SGK3: variants seen among roughly 807,000 people sequenced by gnomAD.
SGK3 encodes serine/threonine-protein kinase Sgk3.
A neutral mutation model predicts 68.5 loss-of-function variants in SGK3; 47 were observed. The ratio of observed to expected loss-of-function variants is 0.69; its 90% CI spans 0.54 to 0.87. The LOEUF is 0.87. Ranked by LOEUF, SGK3 falls within the 40% of genes least tolerant of loss-of-function variation. SGK3 has a pLI of 0.00. For synonymous variants in SGK3, 181 were observed against 189.1 expected, an observed-to-expected ratio of 0.96 and a Z score of 0.35; for missense variants, 479 against 575.5, an observed-to-expected ratio of 0.83 and a Z score of 1.72.
At chr8:66,730,721 G>A (rs868605568) in intron 1 of SGK3, among the ~76,000 whole-genome samples, 4 of 151,812 alleles carry the variant, frequency 2.6e-5, no homozygotes, top group South Asian at 2.1e-4. Context: ...AGACAGTCTC[G>A]CTCTGGAGTG....
chr8:66,723,129 A>T (rs796297862), intron 1 of SGK3, among the ~76,000 whole-genome samples: 3,992 of 40,400 alleles, frequency 0.099, 396 homozygotes, highest in African/African-American at 0.22. Flanking sequence ...ATATATATAT[A>T]TATTTTTTTT....
At chr8:66,723,108 TATATATATATATATATATATA>T (rs1563595109) in intron 1 of SGK3, among the ~76,000 whole-genome samples, 6 of 42,984 alleles carry the variant, frequency 1.4e-4, no homozygotes, top group South Asian at 7.1e-4. Context: ...TATATATATA[TATATATATATATATATATATA>T]TATTTTTTTT....
At chr8:66,827,246 G>A (rs148413619) in intron 6 of SGK3, among the ~76,000 whole-genome samples, 1 of 151,706 alleles carries the variant, frequency 6.6e-6, no homozygotes, top group Non-Finnish European at 1.5e-5. Flanking sequence ...ACCGGGCATG[G>A]TGGCGTATGC....
intron 16 of SGK3, among the ~76,000 whole-genome samples, chr8:66,857,436 G>A (rs1178373546): frequency 1.3e-5 from 2 of 152,066 alleles, no homozygotes; most frequent in South Asian, 2.1e-4. Flanking sequence ...TAGAAATTCA[G>A]GGATGGACTT....
chr8:66,760,330 C>CAT (rs1476397853), intron 1 of SGK3, among the ~76,000 whole-genome samples: 1 of 115,648 alleles, frequency 8.6e-6, no homozygotes, highest in Non-Finnish European at 1.8e-5. Context: ...TTTCTTTTTT[C>CAT]TTTTTTTTTT....
intron 1 of SGK3, among the ~76,000 whole-genome samples, chr8:66,774,973 C>G (rs945610962): frequency 6.6e-6 from 1 of 152,236 alleles, no homozygotes; most frequent in African/African-American, 2.4e-5. Flanking sequence ...TTCACCTTCC[C>G]CGCGGGGGTC....
At chr8:66,827,238 C>T (rs1327096949) in intron 6 of SGK3, among the ~76,000 whole-genome samples, 9 of 151,262 alleles carry the variant, frequency 5.9e-5, no homozygotes, top group Non-Finnish European at 8.8e-5. Context: ...AAAAATTAAC[C>T]GGGCATGGTG....
intron 6 of SGK3, among the ~76,000 whole-genome samples, chr8:66,827,120 G>A (rs890770163): frequency 2.0e-5 from 3 of 151,668 alleles, no homozygotes; most frequent in Admixed American, 6.6e-5. Context: ...GGTGGCTCAC[G>A]CCTGTAATCC....
intron 16 of SGK3, among the ~76,000 whole-genome samples, chr8:66,854,733 A>G (rs1810436556): frequency 6.6e-6 from 1 of 152,170 alleles, no homozygotes; most frequent in Non-Finnish European, 1.5e-5. Flanking sequence ...TTTATGTTAT[A>G]CATTTCCAAG....
chr8:66,728,448 T>C (rs531428936), intron 1 of SGK3, among the ~76,000 whole-genome samples: 13 of 152,136 alleles, frequency 8.5e-5, no homozygotes, highest in Non-Finnish European at 5.9e-5. Flanking sequence ...TGCCTCAGCC[T>C]TCCAAGTCAC....
At chr8:66,750,767 G>A (rs1216167663) in intron 1 of SGK3, among the ~76,000 whole-genome samples, 1 of 151,776 alleles carries the variant, frequency 6.6e-6, no homozygotes, top group African/African-American at 2.4e-5. Context: ...CACTTTGGGA[G>A]GCCGAGGCAG....
chr8:66,835,686 T>C, intron 8 of SGK3, 77 bp from the exon 9 acceptor site: 2 of 1,447,674 alleles, frequency 1.4e-6, no homozygotes, highest in Non-Finnish European at 1.9e-6. Flanking sequence ...TAAGAAGTAT[T>C]GATGTGTTGA....
At chr8:66,798,763 C>A in intron 3 of SGK3, 138 bp downstream of exon 3, 1 of 676,728 alleles carries the variant, frequency 1.5e-6, no homozygotes, top group Non-Finnish European at 2.3e-6. Context: ...AGAGATTCTT[C>A]AAAAACATCC....
At chr8:66,822,347 T>C in intron 5 of SGK3, 25 bp from the exon 6 acceptor site, 2 of 1,591,062 alleles carry the variant, frequency 1.3e-6, no homozygotes, top group Middle Eastern at 1.7e-4. Flanking sequence ...TTTGAAGTTA[T>C]AATAAAGTTA....
rs1223981999 is a variant in SGK3 at position 66,824,218 on chromosome 8, G to A, written c.417+1759G>A. Among the ~76,000 whole-genome samples the A allele has an allele frequency of 2.0e-5, 3 of 151,980 alleles. No homozygotes were observed. In the East Asian group the frequency reaches 5.8e-4, roughly 29 times the overall value. On this transcript the variant is annotated intron_variant, in intron 6 of 16. Coordinates refer to ENST00000521198, the MANE Select transcript of SGK3 (RefSeq NM_001033578.3). ...AGCTTTAAAAAAAATCTCTGTAGCT[G>A]GTCAAAAGAGAAACAACAAACTGGG...
At chr8:66,759,952 C>A (rs1179230618) in intron 1 of SGK3, among the ~76,000 whole-genome samples, 1 of 152,126 alleles carries the variant, frequency 6.6e-6, no homozygotes, top group East Asian at 1.9e-4. Context: ...CTGGGAAGAT[C>A]TCCTCTCAAG....
In SGK3 at chr8:66,853,010, T is replaced by C. The variant is rs1052518444; in HGVS notation, c.1320+2090T>C. On this transcript the variant is annotated intron_variant, in intron 16 of 16. Coordinates refer to ENST00000521198, the MANE Select transcript of SGK3 (RefSeq NM_001033578.3). ...CTCCAGCATTGGATCCCTGCTCTTC[T>C]ATGATTAACTAGAAGTTAAGCTTCT... Among the ~76,000 whole-genome samples, 19 of 152,248 alleles carry C rather than the reference T, an allele frequency of 1.2e-4. 2 individuals carry two copies. The highest frequency in any genetic ancestry group is 1.2e-3 in the Admixed American group (18 of 15,288).
chr8:66,771,054 C>A (rs1482246260), intron 1 of SGK3, among the ~76,000 whole-genome samples: 1 of 151,790 alleles, frequency 6.6e-6, no homozygotes, highest in Non-Finnish European at 1.5e-5. Flanking sequence ...TTTCGTTTTT[C>A]CTTTTGGTTG....
chr8:66,807,573 A>G (rs926347894), intron 4 of SGK3, among the ~76,000 whole-genome samples: 1 of 152,220 alleles, frequency 6.6e-6, no homozygotes, highest in African/African-American at 2.4e-5. Flanking sequence ...GATATTAGAA[A>G]GTCCTGCATT....
Sources: gnomAD v4.1 joint callset for allele counts (sites outside exome capture counted in the v4.1 genomes callset) on GRCh38, gnomAD v4.1.1 for gene constraint, MANE v1.5 for transcripts, NCBI Gene and HGNC (gene_info 2026-07-23, HGNC 2026-07-21) for gene names.